Variants in SENP7 observed in about 807,000 individuals in gnomAD.
The protein encoded by SENP7 is sentrin-specific protease 7.
In SENP7, 64 loss-of-function variants were observed where a neutral mutation model predicts 141.2. That is an observed-to-expected ratio of 0.45 (90% CI 0.37 to 0.56). SENP7 has a LOEUF of 0.56. SENP7 is among the 20% of genes least tolerant of loss of function. SENP7 has a pLI of 0.00. For synonymous variants in SENP7, 382 were observed against 426.4 expected, an observed-to-expected ratio of 0.90 and a Z score of 1.28; for missense variants, 1,025 against 1,212.2, an observed-to-expected ratio of 0.85 and a Z score of 2.29.
intron 6 of SENP7, among the ~76,000 whole-genome samples, chr3:101,378,821 T>C (rs1022055068): frequency 5.3e-5 from 8 of 151,936 alleles, no homozygotes; most frequent in Middle Eastern, 3.2e-3. Flanking sequence ...AATAAGCCCT[T>C]AACTATAGAA....
At chr3:101,463,335 C>G (rs1475155305) in intron 3 of SENP7, among the ~76,000 whole-genome samples, 1 of 101,082 alleles carries the variant, frequency 9.9e-6, no homozygotes, top group Admixed American at 1.2e-4. Context: ...GGTGACACAG[C>G]AAAACCATGT....
chr3:101,366,810 T>G (rs886376707), intron 8 of SENP7, 41 bp from the exon 9 acceptor site: 1 of 1,387,504 alleles, frequency 7.2e-7, no homozygotes, highest in Non-Finnish European at 9.8e-7. Flanking sequence ...TTTTTCAAAT[T>G]TGGCTTGCTT....
At chr3:101,500,710 G>A (rs1031147232) in intron 2 of SENP7, among the ~76,000 whole-genome samples, 12 of 152,188 alleles carry the variant, frequency 7.9e-5, no homozygotes, top group African/African-American at 2.7e-4. Flanking sequence ...GTAATGTTCA[G>A]CACATACCTT....
intron 16 of SENP7, 54 bp from the exon 17 acceptor site, chr3:101,337,685 T>TC: frequency 7.1e-7 from 1 of 1,408,702 alleles, no homozygotes; most frequent in Non-Finnish European, 9.5e-7. Flanking sequence ...TACTTGGTCG[T>TC]CCCCCAGTTG....
chr3:101,327,902 T>C, intron 22 of SENP7, 86 bp from the exon 23 acceptor site: 1 of 1,141,482 alleles, frequency 8.8e-7, no homozygotes, highest in Non-Finnish European at 1.2e-6. Flanking sequence ...AAAACATTTG[T>C]TGCCAGATGT....
chr3:101,497,978 G>T (rs906159490), intron 2 of SENP7, among the ~76,000 whole-genome samples: 2 of 152,068 alleles, frequency 1.3e-5, no homozygotes, highest in Middle Eastern at 3.4e-3. Flanking sequence ...AATTTTTTTT[G>T]TAGATATGGG....
chr3:101,450,986 A>G (rs1449540700), intron 4 of SENP7, among the ~76,000 whole-genome samples: 5 of 152,302 alleles, frequency 3.3e-5, no homozygotes, highest in Middle Eastern at 3.4e-3. Flanking sequence ...AATAAAGAAG[A>G]AAAGAGAGAA....
Position 101,364,974 on chromosome 3 carries a change from C to CATCACTGGAAACA in SENP7, c.1323_1335dup (p.Glu446CysfsTer4). The CATCACTGGAAACA allele has an allele frequency of 6.4e-7, 1 of 1,554,314 alleles. No homozygotes were observed. The highest frequency in any genetic ancestry group is 8.7e-7 in the Non-Finnish European group (1 of 1,153,428). On this transcript the variant is annotated stop_gained and frameshift_variant, in exon 10 of 24. Coordinates refer to ENST00000394095, the MANE Select transcript of SENP7 (RefSeq NM_020654.5). LOFTEE classifies it high-confidence loss of function. ...CTTTTATGTTCAACAGGTCCTTCTT[C>CATCACTGGAAACA]ATCACTGGAAACAACAACTAAAACG...
intron 6 of SENP7, among the ~76,000 whole-genome samples, chr3:101,395,796 G>T (rs1250691327): frequency 6.6e-6 from 1 of 152,222 alleles, no homozygotes; most frequent in Non-Finnish European, 1.5e-5. Context: ...AGGAACACAT[G>T]TTGGCACCCT....
At chr3:101,481,488 G>T (rs2064478390) in intron 3 of SENP7, among the ~76,000 whole-genome samples, 2 of 152,162 alleles carry the variant, frequency 1.3e-5, no homozygotes, top group African/African-American at 2.4e-5. Context: ...GCTGGGAAGG[G>T]TGTAGAGGGG....
intron 3 of SENP7, among the ~76,000 whole-genome samples, chr3:101,472,523 G>A (rs1303379803): frequency 6.6e-6 from 1 of 152,092 alleles, no homozygotes; most frequent in Non-Finnish European, 1.5e-5. Flanking sequence ...CTGGGGGAGG[G>A]ATAGCATTAG....
chr3:101,484,802 A>C (rs1488737552), intron 3 of SENP7, among the ~76,000 whole-genome samples: 1 of 152,162 alleles, frequency 6.6e-6, no homozygotes, highest in African/African-American at 2.4e-5. Context: ...CCAGAGGAGC[A>C]GGGGTATAAC....
chr3:101,468,735 T>C (rs1015803730), intron 3 of SENP7, among the ~76,000 whole-genome samples: 5 of 152,016 alleles, frequency 3.3e-5, no homozygotes, highest in Non-Finnish European at 7.4e-5. Flanking sequence ...AAACAACCGG[T>C]ACCAACCACT....
chr3:101,357,709 T>C, intron 11 of SENP7: 1 of 691,548 alleles, frequency 1.4e-6, no homozygotes, highest in East Asian at 2.6e-5. Flanking sequence ...TGAAAGTCTC[T>C]CATAAATTTT....
intron 1 of SENP7, 43 bp downstream of exon 1, chr3:101,513,048 G>GA: frequency 6.2e-7 from 1 of 1,605,264 alleles, no homozygotes; most frequent in Admixed American, 1.7e-5. Context: ...GTTTCCCCCG[G>GA]GTAGGAGACA....
intron 5 of SENP7, among the ~76,000 whole-genome samples, chr3:101,402,374 A>G (rs1170614310): frequency 6.6e-6 from 1 of 152,154 alleles, no homozygotes; most frequent in East Asian, 1.9e-4. Flanking sequence ...CTGTAATCCC[A>G]GCACTTTGGG....
intron 3 of SENP7, among the ~76,000 whole-genome samples, chr3:101,478,250 G>C (rs1398634042): frequency 6.6e-6 from 1 of 152,132 alleles, no homozygotes; most frequent in East Asian, 1.9e-4. Flanking sequence ...CAGCACAGTG[G>C]CTTATGCCTG....
chr3:101,386,697 C>T (rs1300110873), intron 6 of SENP7, among the ~76,000 whole-genome samples: 2 of 152,196 alleles, frequency 1.3e-5, no homozygotes, highest in African/African-American at 4.8e-5. Context: ...TAGTGCAATG[C>T]TCCAGGAAGG....
rs112553440 is a variant in SENP7 at position 101,432,121 on chromosome 3, G to A, written c.285-14331C>T. Among the ~76,000 whole-genome samples the A allele has an allele frequency of 5.0e-3, 758 of 152,164 alleles. 12 individuals carry two copies. Among genetic ancestry groups the A allele is most frequent in the Middle Eastern group, 0.02 (6 of 294 alleles). On this transcript the variant is annotated intron_variant, in intron 4 of 23. Transcript: ENST00000394095. Reference sequence around the variant, plus strand: ...ACAACAAGCCATCTTAAGAGATTTCGGGCCTTAAGGGAAATTGTAGGTAGT... The same window carrying A: ...ACAACAAGCCATCTTAAGAGATTTCAGGCCTTAAGGGAAATTGTAGGTAGT...
Sources: gnomAD v4.1 joint callset for allele counts (sites outside exome capture counted in the v4.1 genomes callset) on GRCh38, gnomAD v4.1.1 for gene constraint, MANE v1.5 for transcripts, NCBI Gene and HGNC (gene_info 2026-07-23, HGNC 2026-07-21) for gene names.